Variants in EDRF1 observed in about 807,000 individuals in gnomAD.
EDRF1 encodes erythroid differentiation regulatory factor 1, also known as erythroid differentiation-related factor 1.
EDRF1 carries 69 observed loss-of-function variants against 148.7 expected under a neutral mutation model. The observed-to-expected ratio is 0.46, with a 90% CI of 0.38 to 0.57. The LOEUF (loss-of-function observed/expected upper bound fraction) is 0.57. Among genes scored for constraint, EDRF1 ranks in the 20% least tolerant of loss-of-function variants. The probability of loss-of-function intolerance (pLI) is 0.00; values close to 1 mark genes in which losing one functional copy is unlikely to be tolerated. For synonymous variants in EDRF1, 515 were observed against 532.8 expected, an observed-to-expected ratio of 0.97 and a Z score of 0.46; for missense variants, 1,118 against 1,478.7, an observed-to-expected ratio of 0.76 and a Z score of 4.00.
intron 19 of EDRF1, 137 bp from the exon 20 acceptor site, chr10:125,747,399 C>G (rs997403501): frequency 1.0e-6 from 1 of 994,578 alleles, no homozygotes; most frequent in Non-Finnish European, 1.5e-6. Context: ...TTTTCATTTC[C>G]TCATAATATT....
Position 125,747,595 on chromosome 10 carries a change from T to TG in EDRF1, c.2875dup (p.Val959GlyfsTer28). 6.2e-7 allele frequency: 1 copy of TG among 1,614,204 alleles called. No individual in the cohort carries two copies. Among genetic ancestry groups the TG allele is most frequent in the South Asian group, 1.1e-5 (1 of 91,092 alleles). ...TGGGAACACGAGACATACACCCAGCTGTTTGGGATTCAGTGAACTGGGAAT... is the reference window on the plus strand; with the variant it reads ...TGGGAACACGAGACATACACCCAGCTGGTTTGGGATTCAGTGAACTGGGAAT... On this transcript the variant is annotated frameshift_variant, in exon 20 of 25. Coordinates refer to ENST00000356792, the MANE Select transcript of EDRF1 (RefSeq NM_001202438.2). LOFTEE classifies it high-confidence loss of function.
chr10:125,741,232 C>T (rs1849001013), intron 17 of EDRF1, 31 bp downstream of exon 17: 2 of 1,594,428 alleles, frequency 1.3e-6, no homozygotes, highest in East Asian at 2.2e-5. Context: ...ACGTGGTTCA[C>T]AGTGGGACTG....
chr10:125,719,939 C>A (rs764069992), intron 1 of EDRF1, 24 bp downstream of exon 1: 1 of 1,600,654 alleles, frequency 6.2e-7, no homozygotes, highest in Admixed American at 1.7e-5. Context: ...GGAGGGGGAC[C>A]TGCCAGGGAT....
intron 24 of EDRF1, among the ~76,000 whole-genome samples, chr10:125,759,750 G>A (rs908153943): frequency 2.7e-5 from 4 of 150,886 alleles, no homozygotes; most frequent in Admixed American, 2.6e-4. Context: ...TCGCTCTGTC[G>A]CCCACGCTGG....
At chr10:125,746,033 C>A in intron 19 of EDRF1, 103 bp downstream of exon 19, 1 of 1,037,362 alleles carries the variant, frequency 9.6e-7, no homozygotes, top group Non-Finnish European at 1.5e-6. Flanking sequence ...AATAATTAAA[C>A]TCTGCTAATG....
intron 1 of EDRF1, 51 bp downstream of exon 1, chr10:125,719,966 C>G: frequency 6.5e-7 from 1 of 1,539,828 alleles, no homozygotes; most frequent in Non-Finnish European, 8.9e-7. Flanking sequence ...GCGGAGGACC[C>G]GCTCCACCGG....
At chr10:125,736,857 T>G (rs1388419086) in intron 13 of EDRF1, among the ~76,000 whole-genome samples, 1 of 151,970 alleles carries the variant, frequency 6.6e-6, no homozygotes, top group Non-Finnish European at 1.5e-5. Flanking sequence ...AGGGAGATGT[T>G]CCCTGACCAC....
rs556321688 is a variant in EDRF1, at chr10:125,738,025, G to C, written c.1830+36G>C. The stretch of plus-strand genomic sequence containing the variant: ...GTTTAGTCTTCACTTTTTTCGTAAA[G>C]TTTGTACTTGATTATGCAAATTACA... On this transcript the variant is annotated intron_variant, in intron 14 of 24. Transcript: ENST00000356792. The C allele has an allele frequency of 5.7e-6, 9 of 1,580,042 alleles. No homozygotes were observed. The South Asian group carries it at 8.8e-5, about 16-fold the overall frequency.
chr10:125,725,909 A>G, intron 6 of EDRF1, 71 bp downstream of exon 6: 1 of 1,509,066 alleles, frequency 6.6e-7, no homozygotes, highest in Non-Finnish European at 9.1e-7. Flanking sequence ...CTCGTTAAAA[A>G]AAAAAAAAGA....
At position 125,749,437 on chromosome 10, in the gene EDRF1, A is replaced by G. The variant is rs761179640; in HGVS notation, c.3149A>G (p.Gln1050Arg). The G allele has an allele frequency of 2.5e-6, 4 of 1,614,192 alleles. No individual in the cohort carries two copies. The highest frequency in any genetic ancestry group is 2.7e-5 in the African/African-American group (2 of 75,038). Residue 1050 changes from glutamine (Q) to arginine (R), a missense_variant, in exon 22 of 25, where the codon CAA becomes CGA. By Grantham distance (43) the Gln-to-Arg change is conservative. Transcript: ENST00000356792. Reference protein sequence around the residue: ...NQVGDEHLRKQHRVLADLHYS... With the variant: ...NQVGDEHLRKRHRVLADLHYS... ...GTTGGTGATGAACACCTTAGGAAAC[A>G]ACACCGGGTGCTGGCAGATCTTCAT... is the stretch of plus-strand genomic sequence containing the variant.
chr10:125,750,997 T>C (rs1355623290), intron 22 of EDRF1, among the ~76,000 whole-genome samples: 4 of 152,174 alleles, frequency 2.6e-5, no homozygotes, highest in Non-Finnish European at 4.4e-5. Context: ...CCCTGTCACA[T>C]GGGCTGGAGT....
chr10:125,733,844 GT>G (rs766660764), intron 11 of EDRF1, 101 bp downstream of exon 11: 12 of 1,143,874 alleles, frequency 1.0e-5, no homozygotes, highest in Non-Finnish European at 1.6e-5. Flanking sequence ...ATGCTTTTAG[GT>G]TTTCATAGTA....
At chr10:125,727,558 A>C (rs1848315817) in intron 6 of EDRF1, among the ~76,000 whole-genome samples, 1 of 152,196 alleles carries the variant, frequency 6.6e-6, no homozygotes, top group Non-Finnish European at 1.5e-5. Flanking sequence ...ATGAGTTGAT[A>C]ACTTGTCTGT....
intron 18 of EDRF1, among the ~76,000 whole-genome samples, chr10:125,745,045 A>G (rs1163825852): frequency 6.6e-6 from 1 of 152,206 alleles, no homozygotes; most frequent in Non-Finnish European, 1.5e-5. Flanking sequence ...GTCATCTGAT[A>G]ACCCAGACAG....
chr10:125,730,472 C>T (rs1002839148), intron 9 of EDRF1, 73 bp downstream of exon 9: 36 of 1,248,176 alleles, frequency 2.9e-5, no homozygotes, highest in South Asian at 1.9e-4. Context: ...AAAGTCTTTA[C>T]GGCCCTGAAG....
At chr10:125,757,647 A>C (rs1418547921) in intron 24 of EDRF1, among the ~76,000 whole-genome samples, 1 of 152,146 alleles carries the variant, frequency 6.6e-6, no homozygotes, top group Non-Finnish European at 1.5e-5. Context: ...CTATCTTTTC[A>C]ATTGAGAGAG....
At chr10:125,720,629 G>A (rs1045899448) in intron 1 of EDRF1, among the ~76,000 whole-genome samples, 1 of 152,022 alleles carries the variant, frequency 6.6e-6, no homozygotes, top group Non-Finnish European at 1.5e-5. Context: ...TGGCCAACAT[G>A]GCAAAACCCT....
chr10:125,748,188 G>A, intron 21 of EDRF1, 176 bp downstream of exon 21: 1 of 733,194 alleles, frequency 1.4e-6, no homozygotes, highest in South Asian at 1.6e-5. Context: ...TAAACAATAT[G>A]TCCGCATTGT....
intron 22 of EDRF1, 67 bp downstream of exon 22, chr10:125,749,632 G>T: frequency 6.4e-7 from 1 of 1,571,290 alleles, no homozygotes. Context: ...CTTAGAGTAA[G>T]GCAGGCCTGT....
Sources: gnomAD v4.1 joint callset for allele counts (sites outside exome capture counted in the v4.1 genomes callset) on GRCh38, gnomAD v4.1.1 for gene constraint, MANE v1.5 for transcripts, NCBI Gene and HGNC (gene_info 2026-07-23, HGNC 2026-07-21) for gene names.